Variants in PTGER3 observed in about 807,000 individuals in gnomAD.
The protein encoded by PTGER3 is prostaglandin E receptor 3, also known as prostaglandin E2 receptor EP3 subtype.
PTGER3 carries 22 observed loss-of-function variants against 34.7 expected under a neutral mutation model. That is an observed-to-expected ratio of 0.63 (90% CI 0.45 to 0.91). The LOEUF (loss-of-function observed/expected upper bound fraction) is 0.91, where lower values mean the gene tolerates loss of function less well. PTGER3 is among the 40% of genes least tolerant of loss of function. The pLI, the probability that PTGER3 is intolerant of heterozygous loss-of-function variation, is 0.00. For synonymous variants in PTGER3, 241 were observed against 230.1 expected (o/e 1.05, Z -0.43); for missense variants, 468 against 519.4 (o/e 0.90, Z 0.96).
intron 1 of PTGER3, among the ~76,000 whole-genome samples, chr1:71,042,598 C>T (rs187507915): frequency 6.0e-4 from 92 of 152,130 alleles, no homozygotes; most frequent in Non-Finnish European, 2.9e-4. Flanking sequence ...ATCACTTTCT[C>T]TGAAGCAACA....
At chr1:70,931,269 C>G (rs1364396279) in intron 4 of PTGER3, among the ~76,000 whole-genome samples, 1 of 152,210 alleles carries the variant, frequency 6.6e-6, no homozygotes, top group Non-Finnish European at 1.5e-5. Flanking sequence ...TTGCAGGGTA[C>G]AGCCCCCCTT....
chr1:70,949,594 C>T (rs868304039), downstream of PTGER3, among the ~76,000 whole-genome samples: 7 of 152,142 alleles, frequency 4.6e-5, no homozygotes, highest in Non-Finnish European at 1.5e-5. Context: ...CAATGAAATG[C>T]ATCATTAACT....
chr1:70,943,771 T>C (rs1649964065), intron 4 of PTGER3, among the ~76,000 whole-genome samples: 4 of 151,624 alleles, frequency 2.6e-5, no homozygotes, highest in Non-Finnish European at 5.9e-5. Flanking sequence ...TGGGTAATCA[T>C]GCGCATTGAG....
chr1:71,046,902 C>T lies in PTGER3; in HGVS notation c.676G>A (p.Gly226Ser), dbSNP rs780510896. The change falls in exon 1 of 4, where the codon GGC (glycine) becomes AGC (serine). Residue 226 changes from glycine to serine, a missense_variant. Coordinates refer to ENST00000306666, the MANE Select transcript of PTGER3 (RefSeq NM_198719.2). ...GNGTSSSHNW[G>S]NLFFASAFAF... The stretch of plus-strand genomic sequence containing the variant: ...AAGGCAGAGGCGAAGAAAAGGTTGC[C>T]CCAGTTATGCGAAGAGCTAGTCCCG... The T allele has an allele frequency of 1.2e-6, 2 of 1,612,302 alleles. No homozygotes were observed. Among genetic ancestry groups the T allele is most frequent in the East Asian group, 4.5e-5 (2 of 44,846 alleles).
At chr1:70,990,353 TCACACACACACA>T (rs576448927) in intron 2 of PTGER3, among the ~76,000 whole-genome samples, 34 of 130,814 alleles carry the variant, frequency 2.6e-4, no homozygotes, top group Admixed American at 1.6e-4. Context: ...CGAGACTGTC[TCACACACACACA>T]CACACACACA....
intron 1 of PTGER3, among the ~76,000 whole-genome samples, chr1:71,041,177 G>A (rs58742204): frequency 0.011 from 1,743 of 152,272 alleles, 39 homozygotes; most frequent in African/African-American, 0.039. Flanking sequence ...TCAAAGATGC[G>A]TTTAATACGT....
chr1:70,916,564 A>G (rs886346368), intron 4 of PTGER3, among the ~76,000 whole-genome samples: 1 of 152,004 alleles, frequency 6.6e-6, no homozygotes, highest in African/African-American at 2.4e-5. Context: ...AAAAGAACAA[A>G]AATCATTTCC....
chr1:71,019,322 C>T (rs1658194290), intron 1 of PTGER3, among the ~76,000 whole-genome samples: 2 of 152,152 alleles, frequency 1.3e-5, no homozygotes, highest in African/African-American at 2.4e-5. Context: ...TTCAAACAGC[C>T]TCATATAACA....
intron 4 of PTGER3, among the ~76,000 whole-genome samples, chr1:70,943,073 A>G (rs1285359523): frequency 6.6e-6 from 1 of 152,104 alleles, no homozygotes; most frequent in East Asian, 1.9e-4. Context: ...AGCATACCCC[A>G]TTTATCAAAT....
At chr1:71,028,531 G>A (rs1220823052) in intron 1 of PTGER3, among the ~76,000 whole-genome samples, 1 of 152,120 alleles carries the variant, frequency 6.6e-6, no homozygotes, top group Non-Finnish European at 1.5e-5. Flanking sequence ...GTGACACTCT[G>A]GAGCAACTTT....
rs536446900 is a variant in PTGER3, at chr1:70,958,536, T to G, written c.1078-4747A>C. On this transcript the variant is annotated intron_variant, in intron 2 of 3. Coordinates refer to the PTGER3 transcript ENST00000356595. ...ATTTTTTATCTGATTTTTTGGGTTT[T>G]GGCCATTGAGTTGTTGAGTTTTTTA... 6.9e-4 allele frequency among the ~76,000 whole-genome samples: 105 copies of G among 152,306 alleles called. 1 individual carries two copies. The highest frequency in any genetic ancestry group is 2.4e-3 in the African/African-American group (99 of 41,566).
intron 4 of PTGER3, among the ~76,000 whole-genome samples, chr1:70,862,832 C>T (rs1439161966): frequency 1.3e-5 from 2 of 152,138 alleles, no homozygotes; most frequent in Non-Finnish European, 2.9e-5. Flanking sequence ...GTAGTATCCA[C>T]TGGACCCTCT....
chr1:71,044,787 C>G (rs1446626123), intron 1 of PTGER3, among the ~76,000 whole-genome samples: 1 of 152,140 alleles, frequency 6.6e-6, no homozygotes, highest in African/African-American at 2.4e-5. Flanking sequence ...GTCTGATTAA[C>G]TGTATGGGTA....
chr1:70,897,436 C>T (rs191631065), intron 4 of PTGER3, among the ~76,000 whole-genome samples: 285 of 152,302 alleles, frequency 1.9e-3, no homozygotes, highest in African/African-American at 6.3e-3. Context: ...CCTCTACCCT[C>T]GTTGAATAGA....
chr1:70,952,864 T>A, exon 4 of PTGER3: 1 of 1,539,098 alleles, frequency 6.5e-7, no homozygotes, highest in Non-Finnish European at 8.8e-7. Context: ...TGGAGGAGCT[T>A]GCTTTTTTAA....
At chr1:71,023,245 G>A (rs1175090452) in intron 1 of PTGER3, among the ~76,000 whole-genome samples, 2 of 151,900 alleles carry the variant, frequency 1.3e-5, no homozygotes, top group African/African-American at 4.9e-5. Flanking sequence ...TTACTTGTCT[G>A]TAACATCAGA....
intron 4 of PTGER3, among the ~76,000 whole-genome samples, chr1:70,910,905 A>C (rs2100389804): frequency 6.6e-6 from 1 of 151,958 alleles, no homozygotes; most frequent in African/African-American, 2.4e-5. Context: ...ACATGGTGAA[A>C]CCCCATCTCT....
intron 4 of PTGER3, among the ~76,000 whole-genome samples, chr1:70,892,627 G>A (rs181999259): frequency 1.3e-5 from 2 of 152,034 alleles, no homozygotes; most frequent in Admixed American, 1.3e-4. Flanking sequence ...GATCATTTGA[G>A]GTCAGGAGTT....
chr1:71,036,998 C>T (rs1557765754), intron 1 of PTGER3, among the ~76,000 whole-genome samples: 2 of 152,020 alleles, frequency 1.3e-5, no homozygotes, highest in South Asian at 2.1e-4. Flanking sequence ...TGTTTGTGCT[C>T]GGAGAATTGC....
Sources: gnomAD v4.1 joint callset for allele counts (sites outside exome capture counted in the v4.1 genomes callset) on GRCh38, gnomAD v4.1.1 for gene constraint, MANE v1.5 for transcripts, NCBI Gene and HGNC (gene_info 2026-07-23, HGNC 2026-07-21) for gene names.